The following SAMD11 variants were observed in gnomAD, a reference collection of about 807,000 sequenced individuals.
The protein encoded by SAMD11 is sterile alpha motif domain containing 11, also known as sterile alpha motif domain-containing protein 11.
A neutral mutation model predicts 64.4 loss-of-function variants in SAMD11; 77 were observed. The ratio of observed to expected loss-of-function variants is 1.20; its 90% CI spans 0.99 to 1.44. The LOEUF is 1.44. Among genes scored for constraint, SAMD11 ranks in the 40% most tolerant of loss-of-function variants. The pLI is 0.00. For synonymous variants in SAMD11, 658 were observed against 421.9 expected (o/e 1.56, Z -6.86); for missense variants, 1,402 against 943.3 (o/e 1.49, Z -6.37).
At chr1:928,085 C>G (rs981808245) in intron 2 of SAMD11, among the ~76,000 whole-genome samples, 1 of 152,254 alleles carries the variant, frequency 6.6e-6, no homozygotes, top group Non-Finnish European at 1.5e-5. Context: ...AGCATTGTGT[C>G]TTCTCCTCAA....
At chr1:939,997 G>T (rs564573314) in intron 7 of SAMD11, among the ~76,000 whole-genome samples, 1 of 152,172 alleles carries the variant, frequency 6.6e-6, no homozygotes, top group African/African-American at 2.4e-5. Context: ...GATGCACTCG[G>T]ACCCCCTGCC....
intron 2 of SAMD11, among the ~76,000 whole-genome samples, chr1:926,834 G>T (rs1177125516): frequency 1.3e-5 from 2 of 152,154 alleles, no homozygotes; most frequent in Non-Finnish European, 2.9e-5. Flanking sequence ...GGGGGTGGGG[G>T]CTGCAATTCC....
At chr1:939,583 C>A in intron 7 of SAMD11, 171 bp downstream of exon 7, 1 of 1,261,320 alleles carries the variant, frequency 7.9e-7, no homozygotes, top group Non-Finnish European at 1.1e-6. Flanking sequence ...CTCTGCCACA[C>A]GTCCTGCCCC....
rs986970731 is a variant in SAMD11 at position 944,389 on chromosome 1, C to T, written c.*236C>T. On this transcript the variant is annotated 3_prime_UTR_variant, in exon 14 of 14. Coordinates refer to ENST00000616016, the MANE Select transcript of SAMD11 (RefSeq NM_001385641.1). ...GGAGGGCAGAGGTGGTGGAAGGGGCCAGGGGCCTGCAGGCCTCCCCCTGGA... is the reference window on the plus strand; with the variant it reads ...GGAGGGCAGAGGTGGTGGAAGGGGCTAGGGGCCTGCAGGCCTCCCCCTGGA... The T allele has an allele frequency of 2.8e-5, 36 of 1,271,320 alleles. No individual in the cohort carries two copies. Among genetic ancestry groups the T allele is most frequent in the Non-Finnish European group, 3.4e-5 (33 of 982,112 alleles). The allele number at this position is 1,271,320 out of a possible 1,614,324, so 78.8% of individuals were successfully genotyped here. A position where few individuals can be genotyped will look rare whatever the true frequency, so the allele number is the denominator to read the frequency against.
At chr1:938,048 T>C (rs1268908407) in intron 5 of SAMD11, among the ~76,000 whole-genome samples, 1 of 151,796 alleles carries the variant, frequency 6.6e-6, no homozygotes, top group African/African-American at 2.4e-5. Flanking sequence ...AGAGCCCTCA[T>C]GAGGATGAGG....
At position 931,871 on chromosome 1, in the gene SAMD11, C is replaced by T. The variant is rs1008871806; in HGVS notation, c.842+782C>T. Among the ~76,000 whole-genome samples, 7 of 152,164 alleles carry T rather than the reference C, an allele frequency of 4.6e-5. No homozygotes were observed. In the East Asian group the frequency reaches 1.2e-3, roughly 25 times the overall value. On this transcript the variant is annotated intron_variant, in intron 4 of 13. Transcript: ENST00000616016. The stretch of plus-strand genomic sequence containing the variant: ...CCGAGTTCCTGGCTCCAGGGGGAAG[C>T]GAGTGGTAAGTCTGTGAACAGAGCC...
At position 930,278 on chromosome 1, in the gene SAMD11, G is replaced by C. The variant is rs1641108864; in HGVS notation, c.733G>C (p.Gly245Arg). 1.9e-6 allele frequency: 3 copies of C among 1,608,778 alleles called. No individual in the cohort carries two copies. The highest frequency in any genetic ancestry group is 2.2e-5 in the South Asian group (2 of 89,946). The change falls in exon 3 of 14, where the codon GGG becomes CGG. Residue 245 changes from glycine (G) to arginine (R), a missense_variant. By Grantham distance (125) the Gly-to-Arg change is moderately radical. Coordinates refer to ENST00000616016, the MANE Select transcript of SAMD11 (RefSeq NM_001385641.1). ...CAGCGACGGGAGTGGCCCCACCTGT[G>C]GGCGGCGGCCAGGCTTGAAGCAGGA... ...GDSDGSGPTC[G>R]RRPGLKQEDG...
intron 4 of SAMD11, among the ~76,000 whole-genome samples, chr1:933,899 T>C: frequency 6.6e-6 from 1 of 152,078 alleles, no homozygotes; most frequent in Non-Finnish European, 1.5e-5. Context: ...CCAGCCCAGG[T>C]CAGGGGAGCC....
chr1:943,506 G>C, intron 12 of SAMD11, 129 bp downstream of exon 12: 1 of 994,102 alleles, frequency 1.0e-6, no homozygotes, highest in Non-Finnish European at 1.5e-6. Flanking sequence ...GCGCAGCAGG[G>C]ACTGGACTGT....
chr1:942,395 C>G lies in SAMD11; in HGVS notation c.1475-15C>G. The stretch of plus-strand genomic sequence containing the variant: ...CTCGGACCCCCCGACCCCGCGTTGT[C>G]CCCCTCCCCACCAGGCTACGGCTTC... On this transcript the variant is annotated splice_polypyrimidine_tract_variant and intron_variant, in intron 9 of 13. Coordinates refer to ENST00000616016, the MANE Select transcript of SAMD11 (RefSeq NM_001385641.1). 2.9e-6 allele frequency: 4 copies of G among 1,361,498 alleles called. No homozygotes were observed. Among genetic ancestry groups the G allele is most frequent in the Non-Finnish European group, 3.9e-6 (4 of 1,023,440 alleles). 84.3% of individuals were successfully genotyped at this position (1,361,498 alleles called of 1,614,324 possible).
chr1:928,189 C>A lies in SAMD11; in HGVS notation c.610-1966C>A, dbSNP rs150604687. On this transcript the variant is annotated intron_variant, in intron 2 of 13. Coordinates refer to ENST00000616016, the MANE Select transcript of SAMD11 (RefSeq NM_001385641.1). ...CGGGCGGATCACGAGGTCAGGAGAT[C>A]GAGACCATCCTGACTAACACGGTGA... Among the ~76,000 whole-genome samples the A allele has an allele frequency of 3.7e-3, 564 of 152,114 alleles. 24 individuals carry two copies. In the East Asian group the frequency reaches 0.1, roughly 27 times the overall value.
At chr1:932,837 C>A (rs376024951) in intron 4 of SAMD11, among the ~76,000 whole-genome samples, 11 of 152,354 alleles carry the variant, frequency 7.2e-5, no homozygotes, top group African/African-American at 2.6e-4. Context: ...CTCAGGAACC[C>A]GGGGTGGCAG....
At chr1:926,304 C>T (rs1354544133) in intron 2 of SAMD11, among the ~76,000 whole-genome samples, 3 of 152,226 alleles carry the variant, frequency 2.0e-5, no homozygotes, top group Non-Finnish European at 2.9e-5. Context: ...TCCTCGAGTC[C>T]TGGGTCAGGG....
Position 942,160 on chromosome 1 carries a change from G to A in SAMD11, c.1383G>A (p.Leu461=). The A allele has an allele frequency of 7.1e-7, 1 of 1,413,462 alleles. No homozygotes were observed. Among genetic ancestry groups the A allele is most frequent in the Non-Finnish European group, 9.4e-7 (1 of 1,067,954 alleles). The allele number at this position is 1,413,462 out of a possible 1,614,324, so 87.6% of individuals were successfully genotyped here. ...GGGAGCTGCCTCAGCCGCCCCCCTT[G>A]CTGTCGCCGCAGAATGCCCCTCACG... The part of the protein sequence containing the change: ...SERELPQPPP[L]LSPQNAPHVA... Residue 461 remains leucine (L), a synonymous_variant, in exon 9 of 14, where the codon TTG becomes TTA. Transcript: ENST00000616016.
intron 4 of SAMD11, among the ~76,000 whole-genome samples, chr1:931,517 A>G (rs1273762520): frequency 1.3e-5 from 2 of 152,176 alleles, no homozygotes; most frequent in Non-Finnish European, 2.9e-5. Flanking sequence ...AGGAGCTCTA[A>G]GGCGAGGGGA....
At position 943,999 on chromosome 1, in the gene SAMD11, A is replaced by C; in HGVS notation, c.2381A>C (p.Glu794Ala). 2 of 1,612,792 alleles carry C rather than the reference A, an allele frequency of 1.2e-6. No individual in the cohort carries two copies. The highest frequency in any genetic ancestry group is 2.7e-5 in the African/African-American group (2 of 75,024). Reference sequence around the variant, plus strand: ...CCAACCCTGCGGGCCCCGGAGCGAGAACTCGGCACAGGAGAGCAGCCCTTG... The same window carrying C: ...CCAACCCTGCGGGCCCCGGAGCGAGCACTCGGCACAGGAGAGCAGCCCTTG... The part of the protein sequence containing the change: ...QPPTLRAPER[E>A]LGTGEQPLSP... Residue 794 changes from glutamate (E) to alanine (A), a missense_variant, in exon 14 of 14, where the codon GAA becomes GCA. Physicochemically the swap from Glu to Ala is moderately radical, Grantham distance 107. Coordinates refer to ENST00000616016, the MANE Select transcript of SAMD11 (RefSeq NM_001385641.1).
At position 944,105 on chromosome 1, in the gene SAMD11, C is replaced by T. The variant is rs752064400; in HGVS notation, c.2487C>T (p.Thr829=). ...GQTSPKQENG[T]LALLPGAPDP... ...CTTCACCCAAGCAGGAGAATGGGACCTTGGCTCTACTTCCAGGGGCCCCCG... is the reference window on the plus strand; with the variant it reads ...CTTCACCCAAGCAGGAGAATGGGACTTTGGCTCTACTTCCAGGGGCCCCCG... The change falls in exon 14 of 14, where the codon ACC becomes ACT. Residue 829 remains threonine (T), a synonymous_variant. Transcript: ENST00000616016. The T allele has an allele frequency of 4.4e-5, 70 of 1,607,566 alleles. 1 individual carries two copies. Among genetic ancestry groups the T allele is most frequent in the South Asian group, 2.5e-4 (23 of 90,732 alleles).
At position 942,611 on chromosome 1, in the gene SAMD11, C is replaced by T. The variant is rs1166763512; in HGVS notation, c.1606C>T (p.Pro536Ser). Residue 536 changes from proline to serine, a missense_variant, in exon 11 of 14, where the codon CCA becomes TCA. Physicochemically the swap from Pro to Ser is moderately conservative, Grantham distance 74 (BLOSUM62 -1). Coordinates refer to ENST00000616016, the MANE Select transcript of SAMD11 (RefSeq NM_001385641.1). ...GCAGAAGGAGCTGGAGAGCGCGCGCCCACAGCTGCTGGCGCCCGAGACCGC... is the reference window on the plus strand; with the variant it reads ...GCAGAAGGAGCTGGAGAGCGCGCGCTCACAGCTGCTGGCGCCCGAGACCGC... Reference protein sequence around the residue: ...LRQKELESARPQLLAPETALR... With the variant: ...LRQKELESARSQLLAPETALR... 3 of 1,437,922 alleles carry T rather than the reference C, an allele frequency of 2.1e-6. No homozygotes were observed. The highest frequency in any genetic ancestry group is 2.7e-6 in the Non-Finnish European group (3 of 1,102,898). The allele number at this position is 1,437,922 out of a possible 1,614,324, so 89.1% of individuals were successfully genotyped here. A position where few individuals can be genotyped will look rare whatever the true frequency, so the allele number is the denominator to read the frequency against.
At chr1:937,520 TA>T (rs1051923505) in intron 5 of SAMD11, among the ~76,000 whole-genome samples, 1 of 151,706 alleles carries the variant, frequency 6.6e-6, no homozygotes, top group African/African-American at 2.4e-5. Context: ...GAGGCCTTGC[TA>T]ACCCTGAGGG....
Sources: gnomAD v4.1 joint callset for allele counts (sites outside exome capture counted in the v4.1 genomes callset) on GRCh38, gnomAD v4.1.1 for gene constraint, MANE v1.5 for transcripts, NCBI Gene and HGNC (gene_info 2026-07-23, HGNC 2026-07-21) for gene names.